TRPC4AP: variants seen among roughly 807,000 people sequenced by gnomAD.
TRPC4AP encodes transient receptor potential cation channel subfamily C member 4 associated protein, also known as short transient receptor potential channel 4-associated protein.
A neutral mutation model predicts 99.0 loss-of-function variants in TRPC4AP; 45 were observed. The ratio of observed to expected loss-of-function variants is 0.45; its 90% confidence interval spans 0.36 to 0.58. The LOEUF (loss-of-function observed/expected upper bound fraction) is 0.58, where lower values mean the gene tolerates loss of function less well. Ranked by LOEUF, TRPC4AP falls within the 20% of genes least tolerant of loss-of-function variation. The pLI is 0.00. For missense variants in TRPC4AP, 879 were observed against 985.3 expected (o/e 0.89, Z 1.44); for synonymous variants, 408 against 385.8 (o/e 1.06, Z -0.67).
At position 35,092,691 on chromosome 20, in the gene TRPC4AP, G is replaced by T. The variant is rs1276145681; in HGVS notation, c.91C>A (p.Arg31=). The T allele has an allele frequency of 6.5e-7, 1 of 1,537,478 alleles. No homozygotes were observed. Among genetic ancestry groups the T allele is most frequent in the Non-Finnish European group, 8.7e-7 (1 of 1,152,358 alleles). Residue 31 remains arginine, a synonymous_variant, in exon 1 of 19, where the codon CGG becomes AGG. Coordinates refer to ENST00000252015, the MANE Select transcript of TRPC4AP (RefSeq NM_015638.3). ...AGCAGAATGTTACCAGGCCGCGGCC[G>T]GCCGCCCCATCCGCCCCAAGCCGCC... ...TVAAWGGWGG[R]PRPGNILLQL... is the part of the protein sequence containing the mutation.
chr20:35,066,879 A>C (rs750084852), intron 3 of TRPC4AP, among the ~76,000 whole-genome samples: 4 of 152,172 alleles, frequency 2.6e-5, no homozygotes, highest in Non-Finnish European at 4.4e-5. Flanking sequence ...AGGACAAATA[A>C]TCAAATCGAA....
rs775195020 is a variant in TRPC4AP at position 35,004,511 on chromosome 20, T to G, written c.1996A>C (p.Met666Leu). 2.5e-5 allele frequency: 40 copies of G among 1,614,006 alleles called. No homozygotes were observed. The highest frequency in any genetic ancestry group is 3.3e-5 in the Non-Finnish European group (39 of 1,179,988). ...LAYISQVPTQ[M>L]SFLFRLINII... ...TTGATGAGGCGGAAGAGGAAGGACA[T>G]CTGCGTGGGCACCTGGGATATGTAG... The change falls in exon 17 of 19, where the codon ATG (methionine) becomes CTG (leucine). Residue 666 changes from methionine to leucine, a missense_variant. Transcript: ENST00000252015.
At chr20:35,011,353 C>T (rs917954486) in intron 11 of TRPC4AP, among the ~76,000 whole-genome samples, 7 of 152,214 alleles carry the variant, frequency 4.6e-5, no homozygotes, top group African/African-American at 1.7e-4. Flanking sequence ...AGAACACTGA[C>T]TTCAGCCTAC....
intron 1 of TRPC4AP, among the ~76,000 whole-genome samples, chr20:35,081,597 C>T (rs889225621): frequency 6.6e-6 from 1 of 151,348 alleles, no homozygotes; most frequent in Admixed American, 6.6e-5. Context: ...ACCAGAGAAA[C>T]AGAAAGGCTA....
chr20:35,036,290 G>C (rs2083314782), intron 7 of TRPC4AP, among the ~76,000 whole-genome samples: 1 of 152,214 alleles, frequency 6.6e-6, no homozygotes, highest in South Asian at 2.1e-4. Flanking sequence ...GCCAAGAGCA[G>C]TGGCTGCCAC....
intron 8 of TRPC4AP, among the ~76,000 whole-genome samples, chr20:35,033,636 G>C (rs1051018426): frequency 6.6e-6 from 1 of 152,098 alleles, no homozygotes; most frequent in African/African-American, 2.4e-5. Flanking sequence ...CTTCTCAGCT[G>C]TCTCCTTCCC....
intron 2 of TRPC4AP, among the ~76,000 whole-genome samples, chr20:35,073,889 C>T (rs1202228354): frequency 2.0e-5 from 3 of 152,254 alleles, no homozygotes; most frequent in East Asian, 1.9e-4. Context: ...GCTGTGAATC[C>T]GTCTGGTCCT....
chr20:35,069,885 G>A (rs2084258513), intron 2 of TRPC4AP, among the ~76,000 whole-genome samples: 2 of 152,142 alleles, frequency 1.3e-5, no homozygotes, highest in South Asian at 4.1e-4. Flanking sequence ...ACGTTGCAGT[G>A]AGCCAACATA....
chr20:35,069,447 T>G, intron 2 of TRPC4AP, 35 bp from the exon 3 acceptor site: 1 of 1,360,932 alleles, frequency 7.3e-7, no homozygotes, highest in South Asian at 1.2e-5. Context: ...TACATTGTTT[T>G]AGTAACCAAC....
intron 8 of TRPC4AP, among the ~76,000 whole-genome samples, chr20:35,032,674 G>A (rs778015599): frequency 4.0e-5 from 6 of 151,032 alleles, no homozygotes; most frequent in African/African-American, 4.9e-5. Context: ...GGGTTTCACC[G>A]TCTTAGCCAG....
intron 8 of TRPC4AP, among the ~76,000 whole-genome samples, chr20:35,024,404 A>G (rs1167027102): frequency 2.6e-5 from 4 of 151,966 alleles, no homozygotes; most frequent in Non-Finnish European, 4.4e-5. Flanking sequence ...ATATTAATGA[A>G]CTCATGCAAT....
chr20:35,063,523 T>C (rs551623379), intron 3 of TRPC4AP, among the ~76,000 whole-genome samples: 6 of 152,150 alleles, frequency 3.9e-5, no homozygotes, highest in Non-Finnish European at 4.4e-5. Context: ...TACTGATGGG[T>C]GGTTACAAGA....
intron 2 of TRPC4AP, among the ~76,000 whole-genome samples, chr20:35,071,716 G>A (rs2084320879): frequency 6.6e-6 from 1 of 152,092 alleles, no homozygotes; most frequent in African/African-American, 2.4e-5. Flanking sequence ...CAAGTCTTTT[G>A]CTATTGTGAA....
chr20:35,031,344 T>C (rs1283531065), intron 8 of TRPC4AP, among the ~76,000 whole-genome samples: 1 of 150,838 alleles, frequency 6.6e-6, no homozygotes, highest in African/African-American at 2.4e-5. Context: ...CATCTCAGTC[T>C]CCTGAGTAGC....
Position 35,044,648 on chromosome 20 carries a change from TG to T in TRPC4AP, c.721del (p.Gln241SerfsTer37). The T allele has an allele frequency of 6.2e-7, 1 of 1,614,218 alleles. No homozygotes were observed. Among genetic ancestry groups the T allele is most frequent in the Non-Finnish European group, 8.5e-7 (1 of 1,180,040 alleles). On this transcript the variant is annotated frameshift_variant, in exon 7 of 19. Coordinates refer to ENST00000252015, the MANE Select transcript of TRPC4AP (RefSeq NM_015638.3). LOFTEE classifies it high-confidence loss of function. Reference sequence around the variant, plus strand: ...CAGAATCCGGCAGAAATTAGCGAGCTGCTGCTGATCGAAATTGGATACTAAG... The same window carrying T: ...CAGAATCCGGCAGAAATTAGCGAGCTCTGCTGATCGAAATTGGATACTAAG... ...SSLVSNFDQQ[Q>X]LANFCRILAV...
In TRPC4AP at chr20:35,026,694, T is replaced by C. The variant is rs137980750; in HGVS notation, c.1052-5338A>G. On this transcript the variant is annotated intron_variant, in intron 8 of 18. Transcript: ENST00000252015. Reference sequence around the variant, plus strand: ...CATTATCTTAACAATATTAATTTTCTGATTCAAAGACATGGGATGTCTTTA... The same window carrying C: ...CATTATCTTAACAATATTAATTTTCCGATTCAAAGACATGGGATGTCTTTA... Among the ~76,000 whole-genome samples, 833 of 152,344 alleles carry C rather than the reference T, an allele frequency of 5.5e-3. 6 individuals carry two copies. The highest frequency in any genetic ancestry group is 9.2e-3 in the Non-Finnish European group (627 of 68,034).
intron 1 of TRPC4AP, among the ~76,000 whole-genome samples, chr20:35,081,032 T>C (rs1330805981): frequency 6.6e-6 from 1 of 152,114 alleles, no homozygotes; most frequent in Admixed American, 6.6e-5. Context: ...ACACTTACAA[T>C]GGGTAAATTT....
chr20:35,008,886 G>C, intron 12 of TRPC4AP, 139 bp from the exon 13 acceptor site: 3 of 724,086 alleles, frequency 4.1e-6, no homozygotes, highest in Non-Finnish European at 2.3e-6. Context: ...CTCCAACTGG[G>C]TCCAGAGCCC....
intron 3 of TRPC4AP, among the ~76,000 whole-genome samples, chr20:35,066,803 T>G (rs925010727): frequency 1.3e-5 from 2 of 151,710 alleles, no homozygotes; most frequent in Non-Finnish European, 1.5e-5. Context: ...ATTCTCAAAA[T>G]AGTAAAAAAA....
Sources: gnomAD v4.1 joint callset for allele counts (sites outside exome capture counted in the v4.1 genomes callset) on GRCh38, gnomAD v4.1.1 for gene constraint, MANE v1.5 for transcripts, NCBI Gene and HGNC (gene_info 2026-07-23, HGNC 2026-07-21) for gene names.